Variants in PKHD1L1 observed in about 807,000 individuals in gnomAD.
The protein encoded by PKHD1L1 is PKHD1 like 1.
A neutral mutation model predicts 462.9 loss-of-function variants in PKHD1L1; 434 were observed. The observed-to-expected ratio is 0.94, with a 90% CI of 0.87 to 1.02. PKHD1L1 has a LOEUF of 1.02. Among genes scored for constraint, PKHD1L1 ranks in the 50% least tolerant of loss-of-function variants. The probability of loss-of-function intolerance (pLI) is 0.00; values close to 1 mark genes in which losing one functional copy is unlikely to be tolerated. For synonymous variants in PKHD1L1, 1,781 were observed against 1,750.0 expected (o/e 1.02, Z -0.44); for missense variants, 5,202 against 5,096.1 (o/e 1.02, Z -0.63).
In PKHD1L1 at chr8:109,436,377, A is replaced by C. The variant is rs748114983; in HGVS notation, c.3545A>C (p.Glu1182Ala). 23 of 1,613,332 alleles carry C rather than the reference A, an allele frequency of 1.4e-5. No individual in the cohort carries two copies. The Middle Eastern group carries it at 5.0e-4, about 35-fold the overall frequency. Reference sequence around the variant, plus strand: ...ACTTTATCTGGATTTGGCTTTAATGAAAATTCAAAGGTATTAGTTGGAAAT... The same window carrying C: ...ACTTTATCTGGATTTGGCTTTAATGCAAATTCAAAGGTATTAGTTGGAAAT... ...LLTLSGFGFN[E>A]NSKVLVGNET... The change falls in exon 30 of 78, where the codon GAA (glutamate) becomes GCA (alanine). Residue 1182 changes from glutamate to alanine, a missense_variant. Glu to Ala is a moderately radical substitution (Grantham distance 107, BLOSUM62 -1). This residue lies in a region of PKHD1L1 where 4,497 missense variants were observed against 4,336.8 expected (regional missense o/e 1.04). Transcript: ENST00000378402.
At position 109,386,579 on chromosome 8, in the gene PKHD1L1, A is replaced by G. The variant is rs549865965; in HGVS notation, c.569+949A>G. On this transcript the variant is annotated intron_variant, in intron 6 of 77. Coordinates refer to ENST00000378402, the MANE Select transcript of PKHD1L1 (RefSeq NM_177531.6). ...GGAATTCTATAGAATAGAACCTTTA[A>G]TTAAATCACATTTGTATGCATCTAT... 4.9e-4 allele frequency among the ~76,000 whole-genome samples: 75 copies of G among 152,324 alleles called. 1 individual carries two copies. The highest frequency in any genetic ancestry group is 3.4e-3 in the Middle Eastern group (1 of 294).
chr8:109,381,355 T>G lies in PKHD1L1; in HGVS notation c.164-15T>G, dbSNP rs549032156. On this transcript the variant is annotated splice_polypyrimidine_tract_variant and intron_variant, in intron 2 of 77. Coordinates refer to ENST00000378402, the MANE Select transcript of PKHD1L1 (RefSeq NM_177531.6). ...GAATACCATTAATAATAATTAAGTCTTCTTACTTTTCCAGGTTTTTCTCAA... is the reference window on the plus strand; with the variant it reads ...GAATACCATTAATAATAATTAAGTCGTCTTACTTTTCCAGGTTTTTCTCAA... The G allele has an allele frequency of 1.3e-6, 2 of 1,549,876 alleles. No individual in the cohort carries two copies. Among genetic ancestry groups the G allele is most frequent in the African/African-American group, 1.4e-5 (1 of 73,266 alleles).
intron 70 of PKHD1L1, 149 bp downstream of exon 70, chr8:109,508,413 G>GATCAAGTCTCTCCCCTGC: frequency 2.6e-6 from 2 of 767,692 alleles, no homozygotes; most frequent in Non-Finnish European, 4.1e-6. Flanking sequence ...CAATGCGCAG[G>GATCAAGTCTCTCCCCTGC]GGAGAGACTT....
chr8:109,532,155 T>C lies in PKHD1L1; in HGVS notation c.*2065T>C, dbSNP rs990596825. 1.3e-5 allele frequency among the ~76,000 whole-genome samples: 2 copies of C among 152,204 alleles called. No individual in the cohort carries two copies. Among genetic ancestry groups the C allele is most frequent in the African/African-American group, 2.4e-5 (1 of 41,454 alleles). Reference sequence around the variant, plus strand: ...AGCCCACTGGAGTTTTTTGTCAAGATTTTTTCTGTCAGTTTTTAATAAGGA... The same window carrying C: ...AGCCCACTGGAGTTTTTTGTCAAGACTTTTTCTGTCAGTTTTTAATAAGGA... On this transcript the variant is annotated 3_prime_UTR_variant, in exon 78 of 78. Transcript: ENST00000378402.
rs777061136 is a variant in PKHD1L1, at chr8:109,477,340, T to C, written c.9033T>C (p.Phe3011=). ...ACTGTTGTATTCTCCAGGATTGCTT[T>C]CCTGTACATCCGCCATCAAGAAAAC... ...QAYCCILQDC[F]PVHPPSRKPI... is the part of the protein sequence containing the mutation. Residue 3011 remains phenylalanine (F), a synonymous_variant, in exon 53 of 78, where the codon TTT becomes TTC. Transcript: ENST00000378402. 1 of 1,613,494 alleles carries C rather than the reference T, an allele frequency of 6.2e-7. No individual in the cohort carries two copies. The highest frequency in any genetic ancestry group is 1.1e-5 in the South Asian group (1 of 91,046).
intron 58 of PKHD1L1, among the ~76,000 whole-genome samples, 173 bp from the exon 59 acceptor site, chr8:109,486,475 G>A (rs757729680): frequency 1.2e-4 from 18 of 151,864 alleles, no homozygotes; most frequent in Non-Finnish European, 2.5e-4. Context: ...TTATAAATAC[G>A]AATATCATAA....
In PKHD1L1 at chr8:109,400,445, T is replaced by G; in HGVS notation, c.1281+101T>G. 3.8e-6 allele frequency: 5 copies of G among 1,314,350 alleles called. No homozygotes were observed. The East Asian group carries it at 1.2e-4, about 32-fold the overall frequency. 81.4% of individuals were successfully genotyped at this position (1,314,350 alleles called of 1,614,324 possible). On this transcript the variant is annotated intron_variant, in intron 13 of 77. Coordinates refer to ENST00000378402, the MANE Select transcript of PKHD1L1 (RefSeq NM_177531.6). ...AAAACGAATGAACATTTTTAAAATG[T>G]ATGAGAAATGATGTCATGTGGTTTG...
intron 46 of PKHD1L1, among the ~76,000 whole-genome samples, chr8:109,458,164 A>T (rs541428103): frequency 3.3e-5 from 5 of 151,980 alleles, no homozygotes; most frequent in Non-Finnish European, 7.4e-5. Flanking sequence ...CTTTCTTTAA[A>T]CACCTATAGT....
chr8:109,405,180 T>C, intron 16 of PKHD1L1, 50 bp downstream of exon 16: 1 of 1,176,402 alleles, frequency 8.5e-7, no homozygotes, highest in Non-Finnish European at 1.2e-6. Flanking sequence ...TGTATAGATG[T>C]AGTCATAAAG....
chr8:109,413,768 T>C (rs1813984844), intron 21 of PKHD1L1, among the ~76,000 whole-genome samples: 1 of 152,052 alleles, frequency 6.6e-6, no homozygotes, highest in African/African-American at 2.4e-5. Flanking sequence ...AAAATGACAA[T>C]TGGTCATGAC....
At chr8:109,414,962 ATTATT>A (rs1173744072) in intron 21 of PKHD1L1, among the ~76,000 whole-genome samples, 2 of 4,520 alleles carry the variant, frequency 4.4e-4, no homozygotes, top group East Asian at 9.3e-3. Flanking sequence ...TCATCCCAAC[ATTATT>A]ATTATTATTA....
intron 76 of PKHD1L1, among the ~76,000 whole-genome samples, chr8:109,524,578 A>G (rs1359749905): frequency 6.6e-6 from 1 of 152,198 alleles, no homozygotes; most frequent in African/African-American, 2.4e-5. Context: ...TCAAACTACA[A>G]TGTTCCAAAA....
At chr8:109,497,430 CT>C (rs11475834) in intron 65 of PKHD1L1, among the ~76,000 whole-genome samples, 158 bp downstream of exon 65, 32,709 of 113,264 alleles carry the variant, frequency 0.29, 2,986 homozygotes, top group South Asian at 0.41. Context: ...AAAAACCGTT[CT>C]TTTTTTTTTT....
At position 109,382,562 on chromosome 8, in the gene PKHD1L1, T is replaced by C. The variant is rs1349822342; in HGVS notation, c.408T>C (p.Cys136=). ...TCKGHINSWE[C]TFNAKSFRTP... is the part of the protein sequence containing the mutation. ...AAGGTCACATCAACAGCTGGGAATG[T>C]ACCTTCAACGTATGTAGGAATCTTC... is the stretch of plus-strand genomic sequence containing the variant. Residue 136 remains cysteine, a synonymous_variant, in exon 4 of 78, where the codon TGT becomes TGC. Coordinates refer to ENST00000378402, the MANE Select transcript of PKHD1L1 (RefSeq NM_177531.6). 1 of 1,609,436 alleles carries C rather than the reference T, an allele frequency of 6.2e-7. No homozygotes were observed. The highest frequency in any genetic ancestry group is 1.7e-5 in the Admixed American group (1 of 59,506).
chr8:109,526,848 C>A lies in PKHD1L1; in HGVS notation c.12549C>A (p.Ser4183Arg). Reference sequence around the variant, plus strand: ...TTGGGGTAGAATCCAGAACTTTCAGCCTGCTGGCAGAGTCTGTCTCTAGCA... The same window carrying A: ...TTGGGGTAGAATCCAGAACTTTCAGACTGCTGGCAGAGTCTGTCTCTAGCA... ...NVVGVESRTF[S>R]LLAESVSSSG... The change falls in exon 77 of 78, where the codon AGC (serine) becomes AGA (arginine). Residue 4183 changes from serine (S) to arginine (R), a missense_variant. This residue lies in a region of PKHD1L1 where 698 missense variants were observed against 736.3 expected (regional missense o/e 0.95). Transcript: ENST00000378402. The A allele has an allele frequency of 6.9e-6, 11 of 1,593,234 alleles. No individual in the cohort carries two copies. The highest frequency in any genetic ancestry group is 9.4e-6 in the Non-Finnish European group (11 of 1,169,148).
In PKHD1L1 at chr8:109,485,149, G is replaced by A; in HGVS notation, c.9682G>A (p.Asp3228Asn). 1 of 1,592,590 alleles carries A rather than the reference G, an allele frequency of 6.3e-7. No homozygotes were observed. The highest frequency in any genetic ancestry group is 1.2e-5 in the South Asian group (1 of 86,682). ...LHDHKILILN[D>N]SLSYTHFAEK... ...TGATCATAAAATTCTCATTCTTAAT[G>A]ATAGCCTTTCCTATACTCACTTTGG... Residue 3228 changes from aspartate (D) to asparagine (N), a missense_variant, in exon 58 of 78, where the codon GAT becomes AAT. Coordinates refer to ENST00000378402, the MANE Select transcript of PKHD1L1 (RefSeq NM_177531.6).
Position 109,459,602 on chromosome 8 carries a change from CAAG to C in PKHD1L1, c.7013_7015del (p.Gln2338_Gly2339delinsArg). 2 of 1,554,850 alleles carry C rather than the reference CAAG, an allele frequency of 1.3e-6. No individual in the cohort carries two copies. The highest frequency in any genetic ancestry group is 1.7e-6 in the Non-Finnish European group (2 of 1,148,862). On this transcript the variant is annotated inframe_deletion, in exon 47 of 78. Transcript: ENST00000378402. ...TTGTCAAAATTTTTACAGACACAGT[CAAG>C]GAGAGAATGAAAAAATGACCATTGC...
At chr8:109,504,158 T>G (rs1563618212) in intron 67 of PKHD1L1, among the ~76,000 whole-genome samples, 169 bp from the exon 68 acceptor site, 1 of 152,180 alleles carries the variant, frequency 6.6e-6, no homozygotes, top group Non-Finnish European at 1.5e-5. Context: ...GATATTGATA[T>G]TGGGAGGCAA....
At chr8:109,450,068 G>A (rs187628474) in intron 40 of PKHD1L1, among the ~76,000 whole-genome samples, 1 of 152,298 alleles carries the variant, frequency 6.6e-6, no homozygotes, top group Non-Finnish European at 1.5e-5. Flanking sequence ...TAATGGTTAA[G>A]AGCCTGGGCT....
Sources: allele counts gnomAD v4.1 joint callset (sites outside exome capture counted in the v4.1 genomes callset), GRCh38; gene constraint gnomAD v4.1.1; regional missense constraint gnomAD v4.1.1; transcripts MANE v1.5; gene names NCBI Gene and HGNC (gene_info 2026-07-23, HGNC 2026-07-21).